Variants in LRP1B observed in about 807,000 individuals in gnomAD.
LRP1B encodes low-density lipoprotein receptor-related protein 1B.
A neutral mutation model predicts 556.6 loss-of-function variants in LRP1B; 217 were observed. That is an observed-to-expected ratio of 0.39 (90% CI 0.35 to 0.44). The LOEUF (loss-of-function observed/expected upper bound fraction) is 0.44, where lower values mean the gene tolerates loss of function less well. LRP1B is among the 20% of genes least tolerant of loss of function. The pLI is 1.00. For synonymous variants in LRP1B, 2,047 were observed against 1,865.8 expected, an observed-to-expected ratio of 1.10 and a Z score of -2.50; for missense variants, 5,053 against 5,620.8, an observed-to-expected ratio of 0.90 and a Z score of 3.23.
intron 47 of LRP1B, among the ~76,000 whole-genome samples, chr2:140,530,520 G>T (rs983228612): frequency 4.6e-5 from 7 of 152,016 alleles, no homozygotes; most frequent in African/African-American, 1.7e-4. Flanking sequence ...ATCTTGAAAG[G>T]TACTCTACAA....
intron 3 of LRP1B, among the ~76,000 whole-genome samples, chr2:141,471,282 T>TTTGTTTTTGA (rs1553518999): frequency 8.8e-6 from 1 of 113,844 alleles, no homozygotes. Context: ...TTTTTTTTTT[T>TTTGTTTTTGA]TTTTTTTTTT....
At chr2:140,540,249 T>A in intron 45 of LRP1B, among the ~76,000 whole-genome samples, 1 of 152,100 alleles carries the variant, frequency 6.6e-6, no homozygotes, top group East Asian at 1.9e-4. Context: ...GAGAATGATT[T>A]CACTGATTTC....
intron 66 of LRP1B, among the ~76,000 whole-genome samples, chr2:140,405,565 T>C (rs1285466762): frequency 2.0e-5 from 3 of 152,120 alleles, no homozygotes; most frequent in Non-Finnish European, 1.5e-5. Context: ...GAGACTATTA[T>C]GAATACATTT....
At chr2:140,799,623 G>C (rs571667982) in intron 32 of LRP1B, among the ~76,000 whole-genome samples, 53 of 152,212 alleles carry the variant, frequency 3.5e-4, no homozygotes, top group African/African-American at 1.2e-3. Flanking sequence ...TTTTTCCCCA[G>C]ACTTATGCAA....
chr2:141,408,267 C>T (rs1245014792), intron 3 of LRP1B, among the ~76,000 whole-genome samples: 2 of 151,654 alleles, frequency 1.3e-5, no homozygotes. Flanking sequence ...CTCAGCCTCC[C>T]AAGTAGCTGG....
At chr2:142,085,523 A>G (rs918558250) in intron 1 of LRP1B, among the ~76,000 whole-genome samples, 1 of 152,294 alleles carries the variant, frequency 6.6e-6, no homozygotes, top group South Asian at 2.1e-4. Flanking sequence ...ATTATATACA[A>G]ACTTAAGGCA....
intron 2 of LRP1B, among the ~76,000 whole-genome samples, chr2:141,660,591 G>C (rs1690178082): frequency 6.6e-6 from 1 of 152,086 alleles, no homozygotes; most frequent in South Asian, 2.1e-4. Context: ...GTCTGGACCT[G>C]GATCCATCCC....
intron 6 of LRP1B, among the ~76,000 whole-genome samples, chr2:141,211,365 T>C (rs1262876267): frequency 6.7e-6 from 1 of 150,332 alleles, no homozygotes; most frequent in African/African-American, 2.4e-5. Flanking sequence ...CTCATGCCTG[T>C]AATCCCAGCA....
intron 41 of LRP1B, among the ~76,000 whole-genome samples, chr2:140,687,402 A>G (rs1168201713): frequency 6.6e-6 from 1 of 152,182 alleles, no homozygotes; most frequent in East Asian, 1.9e-4. Context: ...CAAGAATGAC[A>G]ATCTAAGCCA....
At chr2:141,918,918 T>C (rs778810222) in intron 1 of LRP1B, among the ~76,000 whole-genome samples, 5 of 152,136 alleles carry the variant, frequency 3.3e-5, no homozygotes, top group Non-Finnish European at 5.9e-5. Context: ...CTGTCACCCA[T>C]GTGCCTGTAA....
chr2:141,425,549 G>C, intron 3 of LRP1B, among the ~76,000 whole-genome samples: 3 of 149,086 alleles, frequency 2.0e-5, no homozygotes, highest in Non-Finnish European at 4.5e-5. Flanking sequence ...GTGTAAAAGT[G>C]TTCCTATTTC....
chr2:141,714,336 C>T (rs1692485680), intron 2 of LRP1B, among the ~76,000 whole-genome samples: 1 of 152,068 alleles, frequency 6.6e-6, no homozygotes, highest in African/African-American at 2.4e-5. Flanking sequence ...TTGCTGCTAA[C>T]CACAACACTC....
chr2:140,769,278 T>A lies in LRP1B; in HGVS notation c.5693A>T (p.Asp1898Val), dbSNP rs1398906345. 2 of 1,612,330 alleles carry A rather than the reference T, an allele frequency of 1.2e-6. No homozygotes were observed. Among genetic ancestry groups the A allele is most frequent in the Non-Finnish European group, 1.7e-6 (2 of 1,178,712 alleles). Residue 1898 changes from aspartate to valine, a missense_variant, in exon 35 of 91, where the codon GAC becomes GTC. Around this residue, in one of 5 missense-constraint regions of LRP1B, gnomAD observed 3,619 missense variants for 3,931.9 expected, o/e 0.92. Transcript: ENST00000389484. ...TATAGGCATCAAAGCATCCATTTTG[T>A]CACTTGGTTCAAGAGGTATTCCCCT... ...GIRGIPLEPS[D>V]KMDALMPISG... is the part of the protein sequence containing the mutation.
At chr2:140,806,494 T>C (rs943467437) in intron 32 of LRP1B, among the ~76,000 whole-genome samples, 30 of 152,240 alleles carry the variant, frequency 2.0e-4, no homozygotes, top group Non-Finnish European at 4.3e-4. Flanking sequence ...GAATAATGAA[T>C]AAATAGCTCA....
At chr2:142,026,063 A>G (rs1003748382) in intron 1 of LRP1B, among the ~76,000 whole-genome samples, 3 of 152,136 alleles carry the variant, frequency 2.0e-5, no homozygotes, top group African/African-American at 7.2e-5. Flanking sequence ...TATTTGGCCT[A>G]TGAAATGCTT....
At chr2:140,507,338 G>T (rs1689461516) in intron 52 of LRP1B, among the ~76,000 whole-genome samples, 2 of 151,966 alleles carry the variant, frequency 1.3e-5, no homozygotes, top group South Asian at 4.1e-4. Context: ...AAAATAGACT[G>T]GTAAAGAGCA....
At chr2:140,964,007 T>C (rs994876153) in intron 18 of LRP1B, among the ~76,000 whole-genome samples, 1 of 152,092 alleles carries the variant, frequency 6.6e-6, no homozygotes, top group Non-Finnish European at 1.5e-5. Flanking sequence ...TGGCCCCGAA[T>C]GTCGGGCTGC....
At chr2:142,050,800 T>C (rs1704429214) in intron 1 of LRP1B, among the ~76,000 whole-genome samples, 1 of 152,216 alleles carries the variant, frequency 6.6e-6, no homozygotes, top group Middle Eastern at 3.4e-3. Context: ...CATCTCCCCA[T>C]AAACTCCTTT....
At chr2:140,982,061 T>C (rs1045726477) in intron 18 of LRP1B, 99 bp downstream of exon 18, 3 of 911,014 alleles carry the variant, frequency 3.3e-6, no homozygotes, top group Admixed American at 2.1e-5. Context: ...CTTTTACCTG[T>C]ACTCATAAAG....
Sources: allele counts gnomAD v4.1 joint callset (sites outside exome capture counted in the v4.1 genomes callset), GRCh38; gene constraint gnomAD v4.1.1; regional missense constraint gnomAD v4.1.1; transcripts MANE v1.5; gene names NCBI Gene and HGNC (gene_info 2026-07-23, HGNC 2026-07-21).